Variants in NKAIN2 observed in about 807,000 individuals in gnomAD.
NKAIN2 encodes the protein sodium/potassium-transporting ATPase subunit beta-1-interacting protein 2.
In NKAIN2, 14 loss-of-function variants were observed where a neutral mutation model predicts 32.6. That is an observed-to-expected ratio of 0.43 (90% CI 0.28 to 0.67). The LOEUF is 0.67. NKAIN2 is among the 30% of genes least tolerant of loss of function. The pLI is 0.17. For missense variants in NKAIN2, 198 were observed against 258.3 expected (o/e 0.77, Z 1.60); for synonymous variants, 80 against 87.2 (o/e 0.92, Z 0.46).
At chr6:124,780,619 A>G (rs1353390785) in intron 4 of NKAIN2, among the ~76,000 whole-genome samples, 1 of 152,232 alleles carries the variant, frequency 6.6e-6, no homozygotes, top group African/African-American at 2.4e-5. Flanking sequence ...TGAGCCAATC[A>G]TGAATGTCCT....
chr6:123,956,212 T>A (rs1777584016), intron 1 of NKAIN2, among the ~76,000 whole-genome samples: 1 of 152,216 alleles, frequency 6.6e-6, no homozygotes, highest in Admixed American at 6.5e-5. Flanking sequence ...AAAACCGGTA[T>A]CTATTTCTTA....
intron 2 of NKAIN2, among the ~76,000 whole-genome samples, chr6:124,299,615 T>C (rs1796216081): frequency 6.6e-6 from 1 of 152,198 alleles, no homozygotes; most frequent in Non-Finnish European, 1.5e-5. Flanking sequence ...AACATCGTCA[T>C]AGATATTAGT....
chr6:124,410,589 A>T (rs945865965), intron 3 of NKAIN2, among the ~76,000 whole-genome samples: 2 of 152,100 alleles, frequency 1.3e-5, no homozygotes, highest in African/African-American at 4.8e-5. Flanking sequence ...GTTCTTTTAC[A>T]TTTGCTGAGG....
At chr6:124,103,846 G>A (rs1347341102) in intron 1 of NKAIN2, among the ~76,000 whole-genome samples, 1 of 152,132 alleles carries the variant, frequency 6.6e-6, no homozygotes, top group East Asian at 1.9e-4. Flanking sequence ...CCAGCACTTT[G>A]AGAGGCCGAG....
intron 4 of NKAIN2, among the ~76,000 whole-genome samples, chr6:124,708,871 C>T (rs1436113287): frequency 6.9e-6 from 1 of 144,040 alleles, no homozygotes; most frequent in African/African-American, 2.6e-5. Flanking sequence ...ACTTCCAACA[C>T]TATGTTGAAT....
At chr6:123,892,838 C>T (rs60399798) in intron 1 of NKAIN2, among the ~76,000 whole-genome samples, 9,225 of 151,374 alleles carry the variant, frequency 0.061, 869 homozygotes, top group African/African-American at 0.2. Flanking sequence ...TATTCTTGTT[C>T]GGCACTGTCC....
At chr6:124,717,956 G>A (rs547708556) in intron 4 of NKAIN2, among the ~76,000 whole-genome samples, 15 of 152,238 alleles carry the variant, frequency 9.9e-5, no homozygotes, top group African/African-American at 3.6e-4. Context: ...AAAACCCTGA[G>A]TTAAATGGTT....
intron 1 of NKAIN2, among the ~76,000 whole-genome samples, chr6:123,836,326 A>T (rs1774618949): frequency 6.6e-6 from 1 of 152,126 alleles, no homozygotes; most frequent in South Asian, 2.1e-4. Flanking sequence ...TCTTGGCAGT[A>T]AGAACCTTAA....
At chr6:124,394,036 G>A (rs1009465809) in intron 3 of NKAIN2, among the ~76,000 whole-genome samples, 1 of 152,084 alleles carries the variant, frequency 6.6e-6, no homozygotes, top group African/African-American at 2.4e-5. Context: ...GTATACTCAG[G>A]CCCTAAGCAC....
In NKAIN2 at chr6:123,866,579, C is replaced by T. The variant is rs780253848; in HGVS notation, c.54+62325C>T. ...CCGAGTAGCTGGGACTACAGACGCCCGCCACCAAGCCCGGCCAATTTTTTG... is the reference window on the plus strand; with the variant it reads ...CCGAGTAGCTGGGACTACAGACGCCTGCCACCAAGCCCGGCCAATTTTTTG... On this transcript the variant is annotated intron_variant, in intron 1 of 6. Transcript: ENST00000368417. 2.6e-5 allele frequency among the ~76,000 whole-genome samples: 4 copies of T among 152,046 alleles called. 1 individual carries two copies. Among genetic ancestry groups the T allele is most frequent in the Non-Finnish European group, 5.9e-5 (4 of 67,980 alleles).
chr6:124,687,590 A>T (rs376012916), intron 4 of NKAIN2, among the ~76,000 whole-genome samples: 6 of 29,128 alleles, frequency 2.1e-4, no homozygotes, highest in African/African-American at 2.0e-4. Context: ...TTATAATATA[A>T]ATATATATTA....
intron 1 of NKAIN2, among the ~76,000 whole-genome samples, chr6:123,829,507 T>G (rs560767931): frequency 9.2e-4 from 140 of 152,296 alleles, no homozygotes; most frequent in African/African-American, 3.3e-3. Flanking sequence ...TCCTACATGA[T>G]GAGTCAGGGA....
At chr6:124,549,262 G>A (rs1780204193) in intron 3 of NKAIN2, among the ~76,000 whole-genome samples, 1 of 152,190 alleles carries the variant, frequency 6.6e-6, no homozygotes, top group Admixed American at 6.5e-5. Flanking sequence ...CAGCTACTCA[G>A]GAGGCTGAGG....
At chr6:124,408,731 A>G (rs1773995685) in intron 3 of NKAIN2, among the ~76,000 whole-genome samples, 1 of 152,162 alleles carries the variant, frequency 6.6e-6, no homozygotes, top group African/African-American at 2.4e-5. Flanking sequence ...CAATTCTGTG[A>G]AGAAAGTCAT....
At chr6:124,792,017 T>C (rs7760868) in intron 5 of NKAIN2, among the ~76,000 whole-genome samples, 74,402 of 151,842 alleles carry the variant, frequency 0.49, 18,347 homozygotes, top group East Asian at 0.61. Flanking sequence ...TCCCAGTGGC[T>C]CTGTTGTTCT....
intron 1 of NKAIN2, among the ~76,000 whole-genome samples, chr6:124,108,061 T>A (rs1008412510): frequency 3.3e-5 from 5 of 152,092 alleles, no homozygotes; most frequent in Admixed American, 1.3e-4. Context: ...GATATTTGGA[T>A]TGTTTGGTAC....
chr6:124,188,020 A>G lies in NKAIN2; in HGVS notation c.55-94985A>G, dbSNP rs1377693090. 2.6e-5 allele frequency among the ~76,000 whole-genome samples: 4 copies of G among 152,170 alleles called. No homozygotes were observed. In the East Asian group the frequency reaches 7.7e-4, roughly 29 times the overall value. ...GCAATAGATGGTCATTGCTTTCCTT[A>G]TCTTTCCACCGTAGATCCAGTAGCC... On this transcript the variant is annotated intron_variant, in intron 1 of 6. Transcript: ENST00000368417.
At chr6:123,938,318 T>C (rs1776617617) in intron 1 of NKAIN2, among the ~76,000 whole-genome samples, 1 of 148,516 alleles carries the variant, frequency 6.7e-6, no homozygotes, top group Non-Finnish European at 1.5e-5. Context: ...ACTGTGATTG[T>C]CTTTACAATT....
chr6:124,561,687 GA>G (rs1780698273), intron 3 of NKAIN2, among the ~76,000 whole-genome samples: 3 of 152,088 alleles, frequency 2.0e-5, no homozygotes, highest in Non-Finnish European at 4.4e-5. Flanking sequence ...GTGGATGGGA[GA>G]CAGTCTTTGC....
Sources: gnomAD v4.1 joint callset for allele counts (sites outside exome capture counted in the v4.1 genomes callset) on GRCh38, gnomAD v4.1.1 for gene constraint, MANE v1.5 for transcripts, NCBI Gene and HGNC (gene_info 2026-07-23, HGNC 2026-07-21) for gene names.